INTS12: variants seen among roughly 807,000 people sequenced by gnomAD.
The protein encoded by INTS12 is PHD finger protein 22.
Under a neutral mutation model 41.6 loss-of-function variants are expected in INTS12, and 13 were observed. That is an observed-to-expected ratio of 0.31 (90% CI 0.20 to 0.50). The LOEUF is 0.50. Ranked by LOEUF, INTS12 falls within the 20% of genes least tolerant of loss-of-function variation. The pLI is 0.98. For missense variants in INTS12, 432 were observed against 541.6 expected, an observed-to-expected ratio of 0.80 and a Z score of 2.01; for synonymous variants, 199 against 191.4, an observed-to-expected ratio of 1.04 and a Z score of -0.33.
chr4:105,685,669 T>C (rs934754277), intron 7 of INTS12, among the ~76,000 whole-genome samples: 4 of 152,174 alleles, frequency 2.6e-5, no homozygotes, highest in African/African-American at 9.7e-5. Flanking sequence ...TATTTTTTTT[T>C]TAATATTTTT....
intron 3 of INTS12, among the ~76,000 whole-genome samples, chr4:105,695,896 T>C (rs1731846232): frequency 6.6e-6 from 1 of 152,180 alleles, no homozygotes; most frequent in Non-Finnish European, 1.5e-5. Context: ...TTGCCCAGGC[T>C]GGAGTGGAGT....
intron 7 of INTS12, among the ~76,000 whole-genome samples, chr4:105,684,315 T>C (rs1278617852): frequency 2.0e-5 from 3 of 152,154 alleles, no homozygotes; most frequent in African/African-American, 7.2e-5. Context: ...TCTACCTTTA[T>C]ACTCTTAAGA....
rs141564437 is a variant in INTS12 at position 105,686,774 on chromosome 4, A to C, written c.722T>G (p.Val241Gly). ...TGGTTTCTTAACCAATGGATCTTTG[A>C]CAGCTGGAGTTACAGAAACAACTGC... ...APAVVSVTPAVKDPLVKKPET... is the reference protein window; with the variant it reads ...APAVVSVTPAGKDPLVKKPET... Residue 241 changes from valine to glycine, a missense_variant, in exon 7 of 8, where the codon GTC becomes GGC. By Grantham distance (109) the Val-to-Gly change is moderately radical (BLOSUM62 -3). This residue lies in a region of INTS12 where 258 missense variants were observed against 309.9 expected (regional missense o/e 0.83). Transcript: ENST00000340139. 6.2e-7 allele frequency: 1 copy of C among 1,613,604 alleles called. No individual in the cohort carries two copies. Among genetic ancestry groups the C allele is most frequent in the African/African-American group, 1.3e-5 (1 of 74,884 alleles).
chr4:105,708,468 A>G lies in INTS12; in HGVS notation c.-172+170T>C, dbSNP rs528271800. The stretch of plus-strand genomic sequence containing the variant: ...CTCCCTCGGAGGAAGCACAGTCCTC[A>G]CTGAAAGGGGAGAGCAGTCAGTCTA... On this transcript the variant is annotated intron_variant, in intron 1 of 7. Transcript: ENST00000340139. The G allele has an allele frequency of 1.9e-5, 19 of 985,270 alleles. No homozygotes were observed. In the East Asian group the frequency reaches 1.9e-3, roughly 100 times the overall value. 61.0% of individuals were successfully genotyped at this position (985,270 alleles called of 1,614,324 possible). A position where few individuals can be genotyped will look rare whatever the true frequency, so the allele number is the denominator to read the frequency against.
intron 6 of INTS12, 113 bp downstream of exon 6, chr4:105,691,863 G>C: frequency 1.4e-6 from 1 of 735,316 alleles, no homozygotes; most frequent in South Asian, 2.5e-5. Flanking sequence ...TAAATAATCA[G>C]CTTATATTAT....
intron 3 of INTS12, among the ~76,000 whole-genome samples, chr4:105,696,501 T>C (rs1731873056): frequency 1.3e-5 from 2 of 152,330 alleles, no homozygotes; most frequent in Non-Finnish European, 2.9e-5. Flanking sequence ...AGCATATTTA[T>C]TTTGAGATTC....
At chr4:105,689,250 G>A (rs186653632) in intron 6 of INTS12, among the ~76,000 whole-genome samples, 1 of 152,326 alleles carries the variant, frequency 6.6e-6, no homozygotes, top group African/African-American at 2.4e-5. Context: ...ACAATGATGT[G>A]TACCGCAGAA....
intron 2 of INTS12, 35 bp from the exon 3 acceptor site, chr4:105,700,049 A>G: frequency 7.3e-7 from 1 of 1,368,028 alleles, no homozygotes; most frequent in Non-Finnish European, 9.8e-7. Flanking sequence ...TCTAGAAGAC[A>G]ATGCACAATT....
At chr4:105,702,068 C>T (rs571383895) in intron 2 of INTS12, among the ~76,000 whole-genome samples, 1 of 152,066 alleles carries the variant, frequency 6.6e-6, no homozygotes, top group East Asian at 1.9e-4. Context: ...GCCCTTTGAC[C>T]CAGTGGTCCC....
intron 1 of INTS12, chr4:105,708,168 A>C (rs984739712): frequency 5.1e-6 from 5 of 985,456 alleles, no homozygotes; most frequent in Non-Finnish European, 6.0e-6. Flanking sequence ...GACACCTGGA[A>C]TCGCAGGAGA....
At chr4:105,697,598 G>T (rs1021056531) in intron 3 of INTS12, among the ~76,000 whole-genome samples, 1 of 152,072 alleles carries the variant, frequency 6.6e-6, no homozygotes, top group Non-Finnish European at 1.5e-5. Flanking sequence ...GTATGGCTGC[G>T]TTCACATTAC....
chr4:105,691,052 T>C (rs1402957412), intron 6 of INTS12, among the ~76,000 whole-genome samples: 1 of 152,196 alleles, frequency 6.6e-6, no homozygotes, highest in Non-Finnish European at 1.5e-5. Flanking sequence ...TTCATAGGAA[T>C]AAATAAAAAC....
Position 105,700,024 on chromosome 4 carries a change from A to C in INTS12, c.-9-10T>G, listed in dbSNP as rs776495050. ...CAGCCATTGCAAACGCCTGAAGGAA[A>C]AAAAGAGAAAGTAATCTAGAAGACA... is the stretch of plus-strand genomic sequence containing the variant. On this transcript the variant is annotated splice_polypyrimidine_tract_variant and intron_variant, in intron 2 of 7. Coordinates refer to ENST00000340139, the MANE Select transcript of INTS12 (RefSeq NM_020395.4). 1 of 1,458,658 alleles carries C rather than the reference A, an allele frequency of 6.9e-7. No individual in the cohort carries two copies. The allele number at this position is 1,458,658 out of a possible 1,614,324, so 90.4% of individuals were successfully genotyped here.
rs147273938 is a variant in INTS12, at chr4:105,695,520, T to A, written c.305A>T (p.Asp102Val). ...VKKEAEKRPA[D>V]KMKSDITEGV... Reference sequence around the variant, plus strand: ...AAGATTAAAATAAAATCTTACTTTATCAGCAGGTCTCTTTTCAGCTTCCTT... The same window carrying A: ...AAGATTAAAATAAAATCTTACTTTAACAGCAGGTCTCTTTTCAGCTTCCTT... The change falls in exon 4 of 8, where the codon GAT (aspartate) becomes GTT (valine). Residue 102 changes from aspartate (D) to valine (V), a missense_variant. By Grantham distance (152) the Asp-to-Val change is radical (BLOSUM62 -3). This residue lies in a region of INTS12 where 168 missense variants were observed against 198.9 expected (regional missense o/e 0.84). Transcript: ENST00000340139. The A allele has an allele frequency of 1.6e-5, 25 of 1,592,844 alleles. No individual in the cohort carries two copies. The highest frequency in any genetic ancestry group is 2.0e-5 in the Non-Finnish European group (24 of 1,173,610).
chr4:105,694,844 T>C (rs1167705114), intron 4 of INTS12, among the ~76,000 whole-genome samples: 1 of 152,192 alleles, frequency 6.6e-6, no homozygotes, highest in Non-Finnish European at 1.5e-5. Flanking sequence ...AGAATCATCT[T>C]TGGCACTGTT....
At chr4:105,696,215 CAT>C (rs1242012955) in intron 3 of INTS12, among the ~76,000 whole-genome samples, 2 of 152,132 alleles carry the variant, frequency 1.3e-5, no homozygotes, top group African/African-American at 4.8e-5. Context: ...TCTGTGACAC[CAT>C]CACTACAATC....
At chr4:105,706,666 T>C (rs746873017) in intron 1 of INTS12, among the ~76,000 whole-genome samples, 2 of 152,238 alleles carry the variant, frequency 1.3e-5, no homozygotes, top group Non-Finnish European at 2.9e-5. Flanking sequence ...AAGTTCCTTG[T>C]CCTGCTCTTA....
intron 2 of INTS12, among the ~76,000 whole-genome samples, chr4:105,700,526 ACCT>A (rs910507700): frequency 2.7e-5 from 4 of 147,814 alleles, no homozygotes; most frequent in African/African-American, 1.0e-4. Context: ...TGCCACTTTT[ACCT>A]CAACTCTTTT....
intron 7 of INTS12, 29 bp downstream of exon 7, chr4:105,686,663 A>C: frequency 6.5e-7 from 1 of 1,536,388 alleles, no homozygotes; most frequent in Non-Finnish European, 8.8e-7. Flanking sequence ...TTAAGATATA[A>C]TCTTAGATAA....
Sources: gnomAD v4.1 joint callset for allele counts (sites outside exome capture counted in the v4.1 genomes callset) on GRCh38, gnomAD v4.1.1 for gene constraint, gnomAD v4.1.1 regional missense constraint, MANE v1.5 for transcripts, NCBI Gene and HGNC (gene_info 2026-07-23, HGNC 2026-07-21) for gene names.